CFAP57: variants seen among roughly 807,000 people sequenced by gnomAD.
CFAP57 encodes the protein cilia- and flagella-associated protein 57.
In CFAP57, 116 loss-of-function variants were observed where a neutral mutation model predicts 146.8. That is an observed-to-expected ratio of 0.79 (90% CI 0.68 to 0.92). The LOEUF is 0.92. CFAP57 is among the 40% of genes least tolerant of loss of function. The pLI, the probability that CFAP57 is intolerant of heterozygous loss-of-function variation, is 0.00. For synonymous variants in CFAP57, 518 were observed against 552.8 expected (o/e 0.94, Z 0.88); for missense variants, 1,377 against 1,527.2 (o/e 0.90, Z 1.64).
rs898585883 is a variant in CFAP57, at chr1:43,205,829, C to T, written c.1543-891C>T. Among the ~76,000 whole-genome samples the T allele has an allele frequency of 2.0e-5, 3 of 152,064 alleles. No individual in the cohort carries two copies. In the East Asian group the frequency reaches 5.8e-4, roughly 29 times the overall value. On this transcript the variant is annotated intron_variant, in intron 9 of 22. Coordinates refer to ENST00000372492, the MANE Select transcript of CFAP57 (RefSeq NM_001378189.1). ...AGTCGCTTATCTTGGCCACATCTGC[C>T]CAGAGTGCACAGCAGTGAAGTTTCT... is the stretch of plus-strand genomic sequence containing the variant.
intron 19 of CFAP57, among the ~76,000 whole-genome samples, chr1:43,233,795 C>A (rs553112452): frequency 2.0e-4 from 31 of 151,860 alleles, no homozygotes; most frequent in Non-Finnish European, 3.7e-4. Context: ...GTAGATGAAC[C>A]AACCTGCCCA....
At chr1:43,190,837 G>A (rs1643474729) in intron 6 of CFAP57, among the ~76,000 whole-genome samples, 1 of 151,864 alleles carries the variant, frequency 6.6e-6, no homozygotes, top group Non-Finnish European at 1.5e-5. Flanking sequence ...AAATCCACTT[G>A]GCCATAGTAT....
rs116140930 is a variant in CFAP57 at position 43,248,291 on chromosome 1, C to T, written c.3538+4932C>T. Among the ~76,000 whole-genome samples the T allele has an allele frequency of 5.4e-3, 818 of 151,598 alleles. 3 individuals are homozygous for T. The highest frequency in any genetic ancestry group is 0.019 in the African/African-American group (796 of 41,282). On this transcript the variant is annotated intron_variant, in intron 22 of 22. Coordinates refer to ENST00000372492, the MANE Select transcript of CFAP57 (RefSeq NM_001378189.1). ...TCCATAACTTTCTTCACATCTCTCTCCCCTACATTGTTTCATAAAAAAATT... is the reference window on the plus strand; with the variant it reads ...TCCATAACTTTCTTCACATCTCTCTTCCCTACATTGTTTCATAAAAAAATT...
chr1:43,173,499 A>G (rs770455701), intron 2 of CFAP57, among the ~76,000 whole-genome samples: 1 of 152,212 alleles, frequency 6.6e-6, no homozygotes, highest in Non-Finnish European at 1.5e-5. Context: ...AAGAATTACA[A>G]TAGAATGTAG....
intron 12 of CFAP57, among the ~76,000 whole-genome samples, chr1:43,216,242 C>G (rs890341675): frequency 4.6e-5 from 7 of 152,156 alleles, no homozygotes; most frequent in Admixed American, 4.6e-4. Context: ...GACCAGGAAG[C>G]TTACAGTCAA....
intron 18 of CFAP57, chr1:43,231,971 A>T (rs1446021954): frequency 6.8e-6 from 4 of 587,386 alleles, no homozygotes; most frequent in Non-Finnish European, 1.2e-5. Context: ...CAACAGAATG[A>T]TGAGGCTGAG....
intron 21 of CFAP57, among the ~76,000 whole-genome samples, chr1:43,239,133 G>A (rs909472765): frequency 6.6e-6 from 1 of 152,118 alleles, no homozygotes; most frequent in Non-Finnish European, 1.5e-5. Flanking sequence ...TCTCATGGCA[G>A]CTCTGCAGTG....
chr1:43,246,101 C>G (rs1425492425), intron 22 of CFAP57, among the ~76,000 whole-genome samples: 1 of 152,156 alleles, frequency 6.6e-6, no homozygotes, highest in Non-Finnish European at 1.5e-5. Flanking sequence ...TCAGTACTAC[C>G]CAAAGTGATC....
chr1:43,197,807 A>G, intron 7 of CFAP57, 115 bp downstream of exon 7: 1 of 1,431,942 alleles, frequency 7.0e-7, no homozygotes, highest in African/African-American at 1.4e-5. Flanking sequence ...TTCAGTTGGA[A>G]AAGATTTTTA....
At chr1:43,253,937 G>A (rs1156946161) in intron 22 of CFAP57, 40 bp from the exon 23 acceptor site, 3 of 1,528,464 alleles carry the variant, frequency 2.0e-6, no homozygotes, top group Admixed American at 3.9e-5. Flanking sequence ...CTGCAGCAGT[G>A]CAATGGACAG....
intron 2 of CFAP57, among the ~76,000 whole-genome samples, chr1:43,180,660 A>T (rs943608155): frequency 3.9e-5 from 6 of 152,152 alleles, no homozygotes; most frequent in African/African-American, 7.2e-5. Flanking sequence ...AGAAGATCCC[A>T]GGTTCTAGGT....
chr1:43,253,918 G>A lies in CFAP57; in HGVS notation c.3539-59G>A. On this transcript the variant is annotated intron_variant, in intron 22 of 22. Transcript: ENST00000372492. ...GAGGAAGCAGGGAGGGAGGAGGGGA[G>A]GATCGGCTCTGCAGCAGTGCAATGG... is the stretch of plus-strand genomic sequence containing the variant. The A allele has an allele frequency of 2.1e-6, 3 of 1,441,896 alleles. No individual in the cohort carries two copies. In the East Asian group the frequency reaches 7.5e-5, roughly 36 times the overall value. 89.3% of individuals were successfully genotyped at this position (1,441,896 alleles called of 1,614,324 possible).
intron 18 of CFAP57, among the ~76,000 whole-genome samples, chr1:43,228,742 T>C (rs543570440): frequency 6.7e-6 from 1 of 149,194 alleles, no homozygotes; most frequent in Admixed American, 6.6e-5. Flanking sequence ...TTCGGGGTGC[T>C]ATAACAAAAT....
At chr1:43,224,793 C>T (rs1645180813) in intron 17 of CFAP57, among the ~76,000 whole-genome samples, 1 of 152,188 alleles carries the variant, frequency 6.6e-6, no homozygotes, top group Non-Finnish European at 1.5e-5. Flanking sequence ...TCCTCTCCAT[C>T]TCCCCTGCCA....
chr1:43,241,983 C>A (rs1428948855), intron 21 of CFAP57, among the ~76,000 whole-genome samples: 1 of 152,054 alleles, frequency 6.6e-6, no homozygotes, highest in Non-Finnish European at 1.5e-5. Context: ...ACTGTTTGGT[C>A]CCAGGGTGCA....
intron 11 of CFAP57, chr1:43,210,893 C>T (rs974733204): frequency 6.6e-6 from 1 of 151,492 alleles, no homozygotes; most frequent in African/African-American, 2.4e-5. Context: ...GAAATGGTTG[C>T]CAAGAAATCA....
chr1:43,199,575 G>T, intron 9 of CFAP57, 72 bp downstream of exon 9: 1 of 1,362,928 alleles, frequency 7.3e-7, no homozygotes, highest in Non-Finnish European at 1.0e-6. Flanking sequence ...GTGGGATACA[G>T]GTGAACAAAA....
At position 43,183,589 on chromosome 1, in the gene CFAP57, A is replaced by G; in HGVS notation, c.475-2A>G. 1.9e-6 allele frequency: 3 copies of G among 1,613,948 alleles called. No homozygotes were observed. The highest frequency in any genetic ancestry group is 2.5e-6 in the Non-Finnish European group (3 of 1,179,794). On this transcript the variant is annotated splice_acceptor_variant, in intron 3 of 22. Transcript: ENST00000372492. LOFTEE classifies it high-confidence loss of function. ...TTTCTTCAATTCTCTCACATTTTAC[A>G]GGTGAGCTTCAGTCCACAGGATAAC...
chr1:43,235,014 TTA>T (rs1645632327), intron 21 of CFAP57, among the ~76,000 whole-genome samples: 1 of 152,086 alleles, frequency 6.6e-6, no homozygotes, highest in East Asian at 1.9e-4. Context: ...CCACATCATC[TTA>T]CCTCTCCTGA....
Sources: allele counts gnomAD v4.1 joint callset (sites outside exome capture counted in the v4.1 genomes callset), GRCh38; gene constraint gnomAD v4.1.1; transcripts MANE v1.5; gene names NCBI Gene and HGNC (gene_info 2026-07-23, HGNC 2026-07-21).